The following CDH10 variants were observed in gnomAD, a reference collection of about 807,000 sequenced individuals.
CDH10 encodes cadherin-10.
CDH10 carries 30 observed loss-of-function variants against 73.1 expected under a neutral mutation model. The observed-to-expected ratio is 0.41, with a 90% confidence interval of 0.31 to 0.56. The LOEUF (loss-of-function observed/expected upper bound fraction) is 0.56, where lower values mean the gene tolerates loss of function less well. Ranked by LOEUF, CDH10 falls within the 20% of genes least tolerant of loss-of-function variation. The pLI, the probability that CDH10 is intolerant of heterozygous loss-of-function variation, is 0.27. For missense variants in CDH10, 815 were observed against 973.7 expected (o/e 0.84, Z 2.17); for synonymous variants, 345 against 348.2 (o/e 0.99, Z 0.10).
At chr5:24,488,912 G>A (rs1323533259) in intron 11 of CDH10, among the ~76,000 whole-genome samples, 1 of 150,660 alleles carries the variant, frequency 6.6e-6, no homozygotes, top group Non-Finnish European at 1.5e-5. Flanking sequence ...TAATAGAAAA[G>A]TGCACTGCTC....
At chr5:24,634,828 A>T (rs1364793218) in intron 1 of CDH10, among the ~76,000 whole-genome samples, 3 of 151,774 alleles carry the variant, frequency 2.0e-5, no homozygotes, top group Admixed American at 1.3e-4. Flanking sequence ...AATAAAACTG[A>T]AAGAAAAAAA....
At chr5:24,502,824 G>T (rs1263698273) in intron 8 of CDH10, among the ~76,000 whole-genome samples, 1 of 152,088 alleles carries the variant, frequency 6.6e-6, no homozygotes, top group Non-Finnish European at 1.5e-5. Context: ...ATCATGTTAG[G>T]TACATCTAAC....
intron 5 of CDH10, among the ~76,000 whole-genome samples, chr5:24,518,696 T>G (rs2111802409): frequency 6.6e-6 from 1 of 152,184 alleles, no homozygotes; most frequent in Admixed American, 6.5e-5. Flanking sequence ...ATATCATGTT[T>G]TTTTCCCTGT....
chr5:24,616,077 A>AT (rs11423558), intron 1 of CDH10, among the ~76,000 whole-genome samples: 12,562 of 152,162 alleles, frequency 0.083, 646 homozygotes, highest in African/African-American at 0.13. Context: ...TCTTTAAAAA[A>AT]AGTATATATT....
chr5:24,511,873 T>C (rs1742925502), intron 5 of CDH10, among the ~76,000 whole-genome samples: 1 of 152,150 alleles, frequency 6.6e-6, no homozygotes, highest in Admixed American at 6.5e-5. Context: ...CTTAACACAC[T>C]AATGCAGGAA....
chr5:24,585,288 T>G (rs1745953306), intron 2 of CDH10, among the ~76,000 whole-genome samples: 1 of 152,208 alleles, frequency 6.6e-6, no homozygotes. Context: ...TCGAAATTGC[T>G]ACATCTGTCC....
At chr5:24,538,985 A>G (rs1041050168) in intron 2 of CDH10, among the ~76,000 whole-genome samples, 1 of 152,026 alleles carries the variant, frequency 6.6e-6, no homozygotes, top group Non-Finnish European at 1.5e-5. Flanking sequence ...TGCTTCAACA[A>G]ATTTTTATGT....
intron 2 of CDH10, among the ~76,000 whole-genome samples, chr5:24,570,991 C>A (rs1054433322): frequency 6.6e-6 from 1 of 151,934 alleles, no homozygotes; most frequent in Non-Finnish European, 1.5e-5. Flanking sequence ...TTCCTGATGA[C>A]GTGTTTTAAA....
At chr5:24,625,603 GTA>G (rs975360970) in intron 1 of CDH10, among the ~76,000 whole-genome samples, 14 of 146,592 alleles carry the variant, frequency 9.6e-5, no homozygotes, top group Admixed American at 6.2e-4. Flanking sequence ...ATATATATGT[GTA>G]TATATATATT....
At chr5:24,600,006 A>C (rs570251784) in intron 1 of CDH10, among the ~76,000 whole-genome samples, 1 of 152,260 alleles carries the variant, frequency 6.6e-6, no homozygotes, top group African/African-American at 2.4e-5. Context: ...CCATTAGTTA[A>C]ATTTCATTTT....
intron 2 of CDH10, among the ~76,000 whole-genome samples, chr5:24,588,140 A>T (rs1269971735): frequency 2.0e-5 from 3 of 152,198 alleles, no homozygotes; most frequent in Non-Finnish European, 2.9e-5. Flanking sequence ...CTCATCAGGA[A>T]GATATTTATA....
In CDH10 at chr5:24,536,284, C is replaced by A. The variant is rs577844046; in HGVS notation, c.527-462G>T. Among the ~76,000 whole-genome samples, 4 of 152,128 alleles carry A rather than the reference C, an allele frequency of 2.6e-5. No individual in the cohort carries two copies. The East Asian group carries it at 7.7e-4, about 29-fold the overall frequency. On this transcript the variant is annotated intron_variant, in intron 3 of 11. Transcript: ENST00000264463. ...TTAAATTCTAAATTTAGAAACAATT[C>A]AACATGATCCCAAGTTCCATGAACT...
At chr5:24,613,067 C>A (rs1379871543) in intron 1 of CDH10, 1 of 151,708 alleles carries the variant, frequency 6.6e-6, no homozygotes, top group Non-Finnish European at 1.5e-5. Flanking sequence ...TTCTAGAGTA[C>A]TTCCATATAG....
chr5:24,552,324 G>A (rs1344916234), intron 2 of CDH10, among the ~76,000 whole-genome samples: 1 of 151,824 alleles, frequency 6.6e-6, no homozygotes, highest in Non-Finnish European at 1.5e-5. Flanking sequence ...AAACTATTAT[G>A]TATTCTAGTA....
chr5:24,487,971 G>T lies in CDH10; in HGVS notation c.2059C>A (p.Arg687=), dbSNP rs768194920. The T allele has an allele frequency of 2.5e-6, 4 of 1,613,666 alleles. No individual in the cohort carries two copies. Among genetic ancestry groups the T allele is most frequent in the African/African-American group, 1.3e-5 (1 of 74,840 alleles). The change falls in exon 12 of 12, where the codon CGG becomes AGG. Residue 687 remains arginine (R), a synonymous_variant. Coordinates refer to ENST00000264463, the MANE Select transcript of CDH10 (RefSeq NM_006727.5). The part of the protein sequence containing the change: ...NPAAIEEKKL[R]RDIIPETLFI... ...AACGTTTCTGGAATAATATCTCGCC[G>T]GAGCTTTTTTTCCTCAATGGCTGCA...
At chr5:24,563,894 TC>T (rs1462641527) in intron 2 of CDH10, among the ~76,000 whole-genome samples, 1 of 152,158 alleles carries the variant, frequency 6.6e-6, no homozygotes, top group Non-Finnish European at 1.5e-5. Context: ...TTTTCTATCT[TC>T]TCCAATGGGT....
chr5:24,526,570 G>A (rs573226806), intron 5 of CDH10, among the ~76,000 whole-genome samples: 11 of 151,454 alleles, frequency 7.3e-5, no homozygotes, highest in East Asian at 5.8e-4. Context: ...AAACACTTCC[G>A]GTAGAAAGCT....
At chr5:24,625,651 A>T (rs1747473749) in intron 1 of CDH10, among the ~76,000 whole-genome samples, 1 of 149,382 alleles carries the variant, frequency 6.7e-6, no homozygotes, top group Admixed American at 6.7e-5. Flanking sequence ...ATATATATTC[A>T]CAATTCACAA....
At position 24,587,563 on chromosome 5, in the gene CDH10, C is replaced by G. The variant is rs550019581; in HGVS notation, c.231+5697G>C. Among the ~76,000 whole-genome samples the G allele has an allele frequency of 1.1e-4, 17 of 152,152 alleles. No individual in the cohort carries two copies. In the South Asian group the frequency reaches 3.5e-3, roughly 32 times the overall value. Reference sequence around the variant, plus strand: ...AGTATTGATAAATTATATTGAGATACCTTCTGCAGAGCAAAATTTATGTGA... The same window carrying G: ...AGTATTGATAAATTATATTGAGATAGCTTCTGCAGAGCAAAATTTATGTGA... On this transcript the variant is annotated intron_variant, in intron 2 of 11. Coordinates refer to ENST00000264463, the MANE Select transcript of CDH10 (RefSeq NM_006727.5).
Sources: gnomAD v4.1 joint callset for allele counts (sites outside exome capture counted in the v4.1 genomes callset) on GRCh38, gnomAD v4.1.1 for gene constraint, MANE v1.5 for transcripts, NCBI Gene and HGNC (gene_info 2026-07-23, HGNC 2026-07-21) for gene names.